SLC35F3: variants seen among roughly 807,000 people sequenced by gnomAD.
SLC35F3 encodes putative thiamine transporter SLC35F3.
In SLC35F3, 25 loss-of-function variants were observed where a neutral mutation model predicts 49.9. The observed-to-expected ratio is 0.50, with a 90% CI of 0.37 to 0.70. SLC35F3 has a LOEUF of 0.70. Ranked by LOEUF, SLC35F3 falls within the 30% of genes least tolerant of loss-of-function variation. The probability of loss-of-function intolerance (pLI) is 0.00; values close to 1 mark genes in which losing one functional copy is unlikely to be tolerated. For missense variants in SLC35F3, 525 were observed against 639.8 expected, an observed-to-expected ratio of 0.82 and a Z score of 1.94; for synonymous variants, 275 against 265.4, an observed-to-expected ratio of 1.04 and a Z score of -0.35.
rs773808904 is a variant in SLC35F3, at chr1:234,231,444, G to T, written c.311G>T (p.Gly104Val). 1 of 1,600,878 alleles carries T rather than the reference G, an allele frequency of 6.2e-7. No individual in the cohort carries two copies. The highest frequency in any genetic ancestry group is 1.3e-5 in the African/African-American group (1 of 74,770). Residue 104 changes from glycine (G) to valine (V), a missense_variant, in exon 3 of 8, where the codon GGC becomes GTC. Transcript: ENST00000366618. This position sits in a 1 kb window ranked among gnomAD's most constrained non-coding sequence, Gnocchi z 5.4. ...GAGGAGCGCCCCCGGGACTCCCCGG[G>T]CCCGGCGGAGGCCCAGGCACCGGCC... ...KREERPRDSP[G>V]PAEAQAPAGV...
At chr1:233,972,128 C>G (rs1663005339) in intron 2 of SLC35F3, among the ~76,000 whole-genome samples, 1 of 152,188 alleles carries the variant, frequency 6.6e-6, no homozygotes, top group Non-Finnish European at 1.5e-5. Flanking sequence ...AGGTTGCTGG[C>G]TGCAAATGTG....
chr1:234,055,363 C>A (rs1161538642), intron 2 of SLC35F3, among the ~76,000 whole-genome samples: 1 of 152,188 alleles, frequency 6.6e-6, no homozygotes, highest in African/African-American at 2.4e-5. Context: ...ATGGCGGACA[C>A]CCCTCTCCCA....
chr1:234,134,337 G>T (rs1472383067), intron 2 of SLC35F3, among the ~76,000 whole-genome samples: 1 of 148,358 alleles, frequency 6.7e-6, no homozygotes, highest in African/African-American at 2.5e-5. Context: ...ATACAAATGT[G>T]TTAAATATTT....
intron 2 of SLC35F3, among the ~76,000 whole-genome samples, chr1:234,162,806 G>A (rs957055605): frequency 7.2e-5 from 11 of 152,234 alleles, no homozygotes; most frequent in Admixed American, 7.2e-4. Context: ...AAGCCAGACA[G>A]TAATGAACCC....
chr1:233,992,713 A>G (rs1025907500), intron 2 of SLC35F3, among the ~76,000 whole-genome samples: 3 of 152,234 alleles, frequency 2.0e-5, no homozygotes, highest in Non-Finnish European at 4.4e-5. Context: ...TATCCAAACC[A>G]TAGCACCATT....
intron 2 of SLC35F3, among the ~76,000 whole-genome samples, chr1:234,077,194 C>T (rs1205297140): frequency 2.0e-5 from 3 of 150,902 alleles, no homozygotes; most frequent in East Asian, 2.0e-4. Context: ...TTAGTAGAGA[C>T]GGGGTTTCAC....
Position 234,214,254 on chromosome 1 carries a change from G to A in SLC35F3, c.284-17163G>A. 2 of 1,248,350 alleles carry A rather than the reference G, an allele frequency of 1.6e-6. No homozygotes were observed. Among genetic ancestry groups the A allele is most frequent in the East Asian group, 3.5e-5 (1 of 28,980 alleles). 77.3% of individuals were successfully genotyped at this position (1,248,350 alleles called of 1,614,324 possible). On this transcript the variant is annotated intron_variant, in intron 2 of 7. Coordinates refer to ENST00000366618, the MANE Select transcript of SLC35F3 (RefSeq NM_173508.4). This position sits in a 1 kb window ranked among gnomAD's most constrained non-coding sequence, Gnocchi z 8.0. ...GCAACCTCCAAGTAGGAGGCTGTGC[G>A]CGCGTGTGTGTGGAGTGGCTGCGCG... is the stretch of plus-strand genomic sequence containing the variant.
At chr1:233,955,633 A>G (rs60890680) in intron 2 of SLC35F3, among the ~76,000 whole-genome samples, 1 of 151,996 alleles carries the variant, frequency 6.6e-6, no homozygotes, top group African/African-American at 2.4e-5. Flanking sequence ...GTTTTAAAAC[A>G]TCTCTTACCT....
chr1:233,973,796 G>T (rs1663032195), intron 2 of SLC35F3, among the ~76,000 whole-genome samples: 1 of 152,182 alleles, frequency 6.6e-6, no homozygotes, highest in African/African-American at 2.4e-5. Flanking sequence ...TATTAGCATT[G>T]TGAACAGGTT....
intron 2 of SLC35F3, among the ~76,000 whole-genome samples, chr1:234,102,546 T>G (rs908039557): frequency 3.3e-5 from 5 of 152,316 alleles, no homozygotes; most frequent in South Asian, 4.1e-4. Flanking sequence ...TTTCTCCCTG[T>G]AGAGGGGAAG....
intron 3 of SLC35F3, among the ~76,000 whole-genome samples, chr1:234,237,647 A>C (rs1382643861): frequency 6.6e-6 from 1 of 152,164 alleles, no homozygotes; most frequent in Non-Finnish European, 1.5e-5. Context: ...TTATAGAGTA[A>C]GGCCCCTTTG....
chr1:234,052,601 T>C (rs571876344), intron 2 of SLC35F3, among the ~76,000 whole-genome samples: 1 of 152,304 alleles, frequency 6.6e-6, no homozygotes, highest in East Asian at 1.9e-4. Context: ...CCTGGATTCA[T>C]TGATTTTTTT....
rs140597763 is a variant in SLC35F3, at chr1:234,253,249, C to A, written c.608+21508C>A. Among the ~76,000 whole-genome samples the A allele has an allele frequency of 7.9e-3, 1,208 of 152,056 alleles. 19 individuals carry two copies. Among genetic ancestry groups the A allele is most frequent in the African/African-American group, 0.028 (1,147 of 41,484 alleles). The stretch of plus-strand genomic sequence containing the variant: ...GCTGAGGCAGGAGGATCACTTGAAC[C>A]CGGGAGGCAGAGGTTGCAGTAAGCC... On this transcript the variant is annotated intron_variant, in intron 3 of 7. Transcript: ENST00000366618.
intron 2 of SLC35F3, among the ~76,000 whole-genome samples, chr1:234,124,894 T>A (rs1018034630): frequency 1.3e-5 from 2 of 152,160 alleles, no homozygotes; most frequent in Admixed American, 1.3e-4. Context: ...ATTCTGGTGA[T>A]GGAGACTCTG....
intron 2 of SLC35F3, among the ~76,000 whole-genome samples, chr1:233,956,866 G>A (rs1437649846): frequency 6.6e-6 from 1 of 152,170 alleles, no homozygotes; most frequent in Non-Finnish European, 1.5e-5. Context: ...GGGGAAGCTT[G>A]CAAGGCCCCC....
rs963044806 is a variant in SLC35F3, at chr1:234,304,063, C to T, written c.609-5038C>T. Among the ~76,000 whole-genome samples, 173 of 22,176 alleles carry T rather than the reference C, an allele frequency of 7.8e-3. 1 individual carries two copies. The highest frequency in any genetic ancestry group is 0.05 in the Middle Eastern group (1 of 20). The allele number at this position is 22,176 out of a possible 152,430, so 14.5% of individuals were successfully genotyped here. A position where few individuals can be genotyped will look rare whatever the true frequency, so the allele number is the denominator to read the frequency against. Reference sequence around the variant, plus strand: ...CTTCCTTCTTTCTTTCCTTCCTTTCCTTCCTTCCTTTCTTCCTTCCTTCCT... The same window carrying T: ...CTTCCTTCTTTCTTTCCTTCCTTTCTTTCCTTCCTTTCTTCCTTCCTTCCT... On this transcript the variant is annotated intron_variant, in intron 3 of 7. Transcript: ENST00000366618.
intron 2 of SLC35F3, among the ~76,000 whole-genome samples, chr1:233,954,298 T>G (rs867965847): frequency 4.6e-5 from 7 of 151,716 alleles, no homozygotes; most frequent in East Asian, 2.0e-4. Flanking sequence ...GAGCCACTGC[T>G]CCCGGCCTAG....
At chr1:234,010,610 T>C (rs768655514) in intron 2 of SLC35F3, among the ~76,000 whole-genome samples, 30 of 152,170 alleles carry the variant, frequency 2.0e-4, no homozygotes, top group Non-Finnish European at 3.8e-4. Flanking sequence ...AAGAGACTCA[T>C]CTCACTTTTG....
chr1:234,013,261 GAAA>G (rs528624461), intron 2 of SLC35F3, among the ~76,000 whole-genome samples: 63 of 152,120 alleles, frequency 4.1e-4, no homozygotes, highest in Non-Finnish European at 7.2e-4. Flanking sequence ...AATCAAAAGG[GAAA>G]TTTTTAAAAT....
Sources: gnomAD v4.1 joint callset for allele counts (sites outside exome capture counted in the v4.1 genomes callset) on GRCh38, gnomAD v4.1.1 for gene constraint, Gnocchi (gnomAD v3.1) non-coding constraint, MANE v1.5 for transcripts, NCBI Gene and HGNC (gene_info 2026-07-23, HGNC 2026-07-21) for gene names.